KIAA0319: variants seen among roughly 807,000 people sequenced by gnomAD.
KIAA0319 encodes KIAA0319, also known as dyslexia-associated protein KIAA0319.
In KIAA0319, 83 loss-of-function variants were observed where a neutral mutation model predicts 108.4. That is an observed-to-expected ratio of 0.77 (90% CI 0.64 to 0.92). The LOEUF (loss-of-function observed/expected upper bound fraction) is 0.92. Among genes scored for constraint, KIAA0319 ranks in the 40% least tolerant of loss-of-function variants. KIAA0319 has a pLI of 0.00. For synonymous variants in KIAA0319, 484 were observed against 510.4 expected (o/e 0.95, Z 0.70); for missense variants, 1,195 against 1,322.4 (o/e 0.90, Z 1.49).
In KIAA0319 at chr6:24,620,833, C is replaced by T. The variant is rs578120200; in HGVS notation, c.-105-19625G>A. Among the ~76,000 whole-genome samples, 13 of 152,312 alleles carry T rather than the reference C, an allele frequency of 8.5e-5. 1 individual carries two copies. The East Asian group carries it at 2.3e-3, about 27-fold the overall frequency. Reference sequence around the variant, plus strand: ...TTAATTACCTCCAATAAAGTCTTTACCTCCAAATATAGTCACAGGGGTTGG... The same window carrying T: ...TTAATTACCTCCAATAAAGTCTTTATCTCCAAATATAGTCACAGGGGTTGG... On this transcript the variant is annotated intron_variant, in intron 1 of 20. Transcript: ENST00000378214.
In KIAA0319 at chr6:24,582,308, G is replaced by T. The variant is rs1766695637; in HGVS notation, c.1132C>A (p.Pro378Thr). Reference protein sequence around the residue: ...YNYEWNLISHPTDYQGEIKQG... With the variant: ...YNYEWNLISHTTDYQGEIKQG... ...TTTATTTCACCTTGGTAGTCTGTGG[G>T]GTGGCTTATTAAATTCCATTCATAG... Residue 378 changes from proline (P) to threonine (T), a missense_variant, in exon 6 of 21, where the codon CCC becomes ACC. Coordinates refer to ENST00000378214, the MANE Select transcript of KIAA0319 (RefSeq NM_014809.4). 6.2e-7 allele frequency: 1 copy of T among 1,611,508 alleles called. No individual in the cohort carries two copies. The highest frequency in any genetic ancestry group is 8.5e-7 in the Non-Finnish European group (1 of 1,178,088).
intron 8 of KIAA0319, among the ~76,000 whole-genome samples, chr6:24,578,769 T>C (rs572073870): frequency 6.6e-6 from 1 of 152,362 alleles, no homozygotes; most frequent in South Asian, 2.1e-4. Flanking sequence ...TGCAGATTCA[T>C]AGAAATTTAG....
intron 1 of KIAA0319, among the ~76,000 whole-genome samples, chr6:24,606,959 G>A (rs543565805): frequency 6.6e-6 from 1 of 152,350 alleles, no homozygotes; most frequent in East Asian, 1.9e-4. Flanking sequence ...GGTCCTTGAA[G>A]ACATGGGACT....
chr6:24,579,870 T>C lies in KIAA0319; in HGVS notation c.1360A>G (p.Ile454Val). 6.2e-7 allele frequency: 1 copy of C among 1,602,414 alleles called. No homozygotes were observed. Among genetic ancestry groups the C allele is most frequent in the Admixed American group, 1.7e-5 (1 of 58,884 alleles). ...ELTLPLTSAL[I>V]DGSQSTDDTE... ...TCAGGATACACACGGCTGCCATCAA[T>C]GAGGGCTGACGTCAAAGGCAAAGTG... Residue 454 changes from isoleucine to valine, a missense_variant, in exon 8 of 21, where the codon ATT becomes GTT. Physicochemically the swap from Ile to Val is conservative, Grantham distance 29 (BLOSUM62 3). Transcript: ENST00000378214.
chr6:24,543,729 G>A (rs1760300431), downstream of KIAA0319, among the ~76,000 whole-genome samples: 1 of 152,146 alleles, frequency 6.6e-6, no homozygotes, highest in South Asian at 2.1e-4. Flanking sequence ...ACCATGCCCG[G>A]CCCTCATTTT....
In KIAA0319 at chr6:24,576,601, A is replaced by G. The variant is rs779834055; in HGVS notation, c.1506-5T>C. On this transcript the variant is annotated splice_region_variant and splice_polypyrimidine_tract_variant and intron_variant, in intron 9 of 20. Coordinates refer to ENST00000378214, the MANE Select transcript of KIAA0319 (RefSeq NM_014809.4). ...TCCGAGTCTGTAACAGTCAACCTAC[A>G]AAAAGGAGAAGAAGCCGTAGTTGGA... The G allele has an allele frequency of 4.3e-6, 7 of 1,610,506 alleles. No homozygotes were observed. In the Admixed American group the frequency reaches 1.2e-4, roughly 27 times the overall value.
At chr6:24,571,777 C>T (rs559983102) in intron 11 of KIAA0319, among the ~76,000 whole-genome samples, 7 of 152,332 alleles carry the variant, frequency 4.6e-5, no homozygotes, top group South Asian at 2.1e-4. Context: ...CATTCTTCAC[C>T]GACTAACTGT....
chr6:24,565,595 C>T (rs1561944931), intron 14 of KIAA0319, among the ~76,000 whole-genome samples: 1 of 151,378 alleles, frequency 6.6e-6, no homozygotes, highest in Non-Finnish European at 1.5e-5. Flanking sequence ...TCTACTAAAA[C>T]TACAAAAATT....
rs1379738823 is a variant in KIAA0319 at position 24,564,144 on chromosome 6, A to T, written c.2431+58T>A. On this transcript the variant is annotated intron_variant, in intron 15 of 20. Coordinates refer to ENST00000378214, the MANE Select transcript of KIAA0319 (RefSeq NM_014809.4). ...ACTGGTCACATCTGTCAGCGTAAAGACCCCAAAGGCTGACCAGCCAGAGCC... is the reference window on the plus strand; with the variant it reads ...ACTGGTCACATCTGTCAGCGTAAAGTCCCCAAAGGCTGACCAGCCAGAGCC... 9 of 1,606,238 alleles carry T rather than the reference A, an allele frequency of 5.6e-6. No individual in the cohort carries two copies. The East Asian group carries it at 2.0e-4, about 36-fold the overall frequency.
At chr6:24,619,335 G>C (rs929028647) in intron 1 of KIAA0319, among the ~76,000 whole-genome samples, 1 of 152,210 alleles carries the variant, frequency 6.6e-6, no homozygotes, top group Non-Finnish European at 1.5e-5. Context: ...CAAGGTGATA[G>C]TAGTGAAGGC....
intron 5 of KIAA0319, 36 bp downstream of exon 5, chr6:24,583,568 G>T: frequency 7.0e-7 from 1 of 1,420,920 alleles, no homozygotes; most frequent in Non-Finnish European, 9.9e-7. Flanking sequence ...AAACACCCCA[G>T]TTCCTAGTGG....
chr6:24,588,813 G>T, intron 3 of KIAA0319, 28 bp from the exon 4 acceptor site: 3 of 1,556,632 alleles, frequency 1.9e-6, no homozygotes, highest in Non-Finnish European at 2.6e-6. Flanking sequence ...AGGATAAATT[G>T]TTATTAAAAA....
At chr6:24,626,854 A>G (rs371351403) in intron 1 of KIAA0319, among the ~76,000 whole-genome samples, 4 of 152,210 alleles carry the variant, frequency 2.6e-5, no homozygotes, top group South Asian at 4.1e-4. Flanking sequence ...TGTGCAGAAT[A>G]ATGATGAAAA....
intron 19 of KIAA0319, among the ~76,000 whole-genome samples, chr6:24,553,294 T>TATATACAC (rs1554142428): frequency 1.3e-4 from 12 of 91,072 alleles, no homozygotes; most frequent in Admixed American, 3.8e-4. Flanking sequence ...TATATATATA[T>TATATACAC]ACACACACAC....
chr6:24,552,341 C>T (rs929328437), intron 19 of KIAA0319, among the ~76,000 whole-genome samples: 5 of 152,166 alleles, frequency 3.3e-5, no homozygotes, highest in African/African-American at 1.2e-4. Flanking sequence ...AAGCACTTAG[C>T]CATTAATCAC....
intron 17 of KIAA0319, among the ~76,000 whole-genome samples, chr6:24,557,543 A>C (rs1261423503): frequency 6.6e-6 from 1 of 152,220 alleles, no homozygotes; most frequent in African/African-American, 2.4e-5. Flanking sequence ...TGGCCTAAGA[A>C]AATAATTCTA....
chr6:24,588,625 A>T lies in KIAA0319; in HGVS notation c.962T>A (p.Leu321Gln). 1 of 1,614,002 alleles carries T rather than the reference A, an allele frequency of 6.2e-7. No individual in the cohort carries two copies. Among genetic ancestry groups the T allele is most frequent in the South Asian group, 1.1e-5 (1 of 91,066 alleles). The change falls in exon 4 of 21, where the codon CTA becomes CAA. Residue 321 changes from leucine to glutamine, a missense_variant. Transcript: ENST00000378214. The part of the protein sequence containing the change: ...AAPSESTPSE[L>Q]PISPTTAPRT... The stretch of plus-strand genomic sequence containing the variant: ...GGGAGCAGTGGTAGGAGATATGGGT[A>T]GCTCAGATGGGGTGGACTCAGAGGG...
At chr6:24,573,103 C>T (rs141068959) in intron 10 of KIAA0319, among the ~76,000 whole-genome samples, 15 of 152,030 alleles carry the variant, frequency 9.9e-5, no homozygotes, top group African/African-American at 3.6e-4. Context: ...GCCTGGTTGA[C>T]AGAAAAAAGA....
rs1304258144 is a variant in KIAA0319 at position 24,600,775 on chromosome 6, T to A, written c.55+274A>T. ...CTGGCCTTTCCAGCCAGATCTAGTATGCAATTCTTTTCAATATATAAACAT... is the reference window on the plus strand; with the variant it reads ...CTGGCCTTTCCAGCCAGATCTAGTAAGCAATTCTTTTCAATATATAAACAT... On this transcript the variant is annotated intron_variant, in intron 2 of 20. Coordinates refer to ENST00000378214, the MANE Select transcript of KIAA0319 (RefSeq NM_014809.4). 6.8e-6 allele frequency: 6 copies of A among 883,020 alleles called. No homozygotes were observed. In the Admixed American group the frequency reaches 1.6e-4, roughly 24 times the overall value. 54.7% of individuals were successfully genotyped at this position (883,020 alleles called of 1,614,324 possible). A position where few individuals can be genotyped will look rare whatever the true frequency, so the allele number is the denominator to read the frequency against.
Sources: allele counts gnomAD v4.1 joint callset (sites outside exome capture counted in the v4.1 genomes callset), GRCh38; gene constraint gnomAD v4.1.1; transcripts MANE v1.5; gene names NCBI Gene and HGNC (gene_info 2026-07-23, HGNC 2026-07-21).